The following TMEM120B variants were observed in gnomAD, a reference collection of about 807,000 sequenced individuals.
TMEM120B encodes transmembrane protein 120B.
Under a neutral mutation model 55.5 loss-of-function variants are expected in TMEM120B, and 31 were observed. That is an observed-to-expected ratio of 0.56 (90% CI 0.42 to 0.75). The LOEUF (loss-of-function observed/expected upper bound fraction) is 0.75, where lower values mean the gene tolerates loss of function less well. Ranked by LOEUF, TMEM120B falls within the 30% of genes least tolerant of loss-of-function variation. The probability of loss-of-function intolerance (pLI) is 0.00; values close to 1 mark genes in which losing one functional copy is unlikely to be tolerated. For missense variants in TMEM120B, 399 were observed against 425.5 expected, an observed-to-expected ratio of 0.94 and a Z score of 0.55; for synonymous variants, 203 against 176.3, an observed-to-expected ratio of 1.15 and a Z score of -1.20.
intron 1 of TMEM120B, among the ~76,000 whole-genome samples, chr12:121,738,456 G>T (rs1592931659): frequency 6.6e-6 from 1 of 152,106 alleles, no homozygotes. Flanking sequence ...AGGGGTGCGG[G>T]CCCCTTATCT....
intron 5 of TMEM120B, chr12:121,758,394 C>G (rs1322822677): frequency 1.0e-6 from 1 of 984,914 alleles, no homozygotes; most frequent in Non-Finnish European, 1.2e-6. Context: ...CCCAGCCCCG[C>G]GCTGTGGTCA....
In TMEM120B at chr12:121,743,704, A is replaced by T; in HGVS notation, c.145A>T (p.Lys49Ter). Residue 49 changes from lysine (K) to a stop codon, truncating the protein, a stop_gained, in exon 2 of 12, where the codon AAG becomes TAG. Coordinates refer to ENST00000449592, the MANE Select transcript of TMEM120B (RefSeq NM_001080825.2). LOFTEE classifies it high-confidence loss of function. Reference sequence around the variant, plus strand: ...GACGCTGTGTAGCAGTTCCATCAGTAAGCAGAAGAAGCACCTCAAGGACTT... The same window carrying T: ...GACGCTGTGTAGCAGTTCCATCAGTTAGCAGAAGAAGCACCTCAAGGACTT... ...LQTLCSSSIS[K>*]QKKHLKDLKL... 1 of 1,613,570 alleles carries T rather than the reference A, an allele frequency of 6.2e-7. No individual in the cohort carries two copies. The highest frequency in any genetic ancestry group is 1.1e-5 in the South Asian group (1 of 91,054).
intron 1 of TMEM120B, among the ~76,000 whole-genome samples, chr12:121,735,374 A>G (rs1043015485): frequency 6.6e-6 from 1 of 151,860 alleles, no homozygotes; most frequent in African/African-American, 2.4e-5. Flanking sequence ...AGTTGCAAGC[A>G]TAATTACAAA....
Position 121,713,031 on chromosome 12 carries a change from C to G in TMEM120B, c.69+67C>G, listed in dbSNP as rs1000622514. 6.0e-5 allele frequency: 82 copies of G among 1,366,232 alleles called. No homozygotes were observed. The East Asian group carries it at 1.5e-3, about 24-fold the overall frequency. The allele number at this position is 1,366,232 out of a possible 1,614,324, so 84.6% of individuals were successfully genotyped here. A position where few individuals can be genotyped will look rare whatever the true frequency, so the allele number is the denominator to read the frequency against. On this transcript the variant is annotated intron_variant, in intron 1 of 11. Transcript: ENST00000449592. ...GTGCAGCGCCTTGCCCTTCCTGAGC[C>G]CCCCGGCCCGGGCGGTGGGGACAGT...
rs1471554287 is a variant in TMEM120B, at chr12:121,776,198, C to T, written c.*476C>T. 6.7e-6 allele frequency: 2 copies of T among 296,656 alleles called. No homozygotes were observed. Among genetic ancestry groups the T allele is most frequent in the African/African-American group, 2.2e-5 (1 of 46,210 alleles). The allele number at this position is 296,656 out of a possible 1,614,324, so 18.4% of individuals were successfully genotyped here. On this transcript the variant is annotated 3_prime_UTR_variant, in exon 12 of 12. Transcript: ENST00000449592. ...GGGCCACTCTGCTTCTGCTGTGAGC[C>T]CCCTCCTCGCCCACCCCGCCACGTG...
chr12:121,713,078 G>C, intron 1 of TMEM120B, 114 bp downstream of exon 1: 1 of 839,604 alleles, frequency 1.2e-6, no homozygotes, highest in Non-Finnish European at 1.8e-6. Flanking sequence ...GAGTGCCCCG[G>C]AGAGGCCCTG....
intron 1 of TMEM120B, among the ~76,000 whole-genome samples, chr12:121,715,069 G>A (rs1176717875): frequency 3.3e-5 from 5 of 152,130 alleles, no homozygotes; most frequent in African/African-American, 4.8e-5. Context: ...CCAGCGCGGC[G>A]GCTCATGCCT....
chr12:121,774,213 C>T (rs865860278), intron 9 of TMEM120B, among the ~76,000 whole-genome samples: 1 of 152,186 alleles, frequency 6.6e-6, no homozygotes, highest in South Asian at 2.1e-4. Context: ...ACCTTGGCCT[C>T]CCAACGTGCT....
Position 121,775,085 on chromosome 12 carries a change from C to G in TMEM120B, c.861C>G (p.Val287=). ...AGTTCTGGCAGCTCTACAATGCCGT[C>G]ACGCTGTTTGAGCTCTCCAGCCACG... ...CGHFWQLYNA[V]TLFELSSHEE... The change falls in exon 11 of 12, where the codon GTC becomes GTG. Residue 287 remains valine, a synonymous_variant. Coordinates refer to ENST00000449592, the MANE Select transcript of TMEM120B (RefSeq NM_001080825.2). This position sits in a 1 kb window ranked among gnomAD's most constrained non-coding sequence, Gnocchi z 4.3. 2 of 1,611,494 alleles carry G rather than the reference C, an allele frequency of 1.2e-6. No homozygotes were observed. Among genetic ancestry groups the G allele is most frequent in the East Asian group, 2.2e-5 (1 of 44,750 alleles).
chr12:121,774,811 C>G lies in TMEM120B; in HGVS notation c.837+89C>G, dbSNP rs1217323308. On this transcript the variant is annotated intron_variant, in intron 10 of 11. Transcript: ENST00000449592. ...TCAGGCCTTGCCCTCCTTCTCCATC[C>G]GTCCCCATGCTGGGGCCCACAGCAT... 3.4e-6 allele frequency: 5 copies of G among 1,462,916 alleles called. No individual in the cohort carries two copies. In the South Asian group the frequency reaches 6.2e-5, roughly 18 times the overall value. 90.6% of individuals were successfully genotyped at this position (1,462,916 alleles called of 1,614,324 possible).
At chr12:121,716,336 G>T (rs949375701) in intron 1 of TMEM120B, among the ~76,000 whole-genome samples, 4 of 151,486 alleles carry the variant, frequency 2.6e-5, no homozygotes, top group African/African-American at 7.3e-5. Context: ...AGATTTGTTG[G>T]GGAACAAGCA....
intron 1 of TMEM120B, among the ~76,000 whole-genome samples, chr12:121,743,032 T>C (rs1187676329): frequency 6.6e-6 from 1 of 152,152 alleles, no homozygotes; most frequent in Non-Finnish European, 1.5e-5. Flanking sequence ...GAAGTTACTG[T>C]TTTCTGTTCC....
In TMEM120B at chr12:121,775,498, C is replaced by G; in HGVS notation, c.907-111C>G. The G allele has an allele frequency of 6.8e-6, 10 of 1,479,278 alleles. No homozygotes were observed. The highest frequency in any genetic ancestry group is 8.9e-6 in the Non-Finnish European group (10 of 1,119,060). 91.6% of individuals were successfully genotyped at this position (1,479,278 alleles called of 1,614,324 possible). Reference sequence around the variant, plus strand: ...GAATCTCTGCCTTCGATGGCAAAACCCTGCAGTTTGGGAGTTTGGGGGCAG... The same window carrying G: ...GAATCTCTGCCTTCGATGGCAAAACGCTGCAGTTTGGGAGTTTGGGGGCAG... On this transcript the variant is annotated intron_variant, in intron 11 of 11. Transcript: ENST00000449592. This position sits in a 1 kb window ranked among gnomAD's most constrained non-coding sequence, Gnocchi z 4.3.
At chr12:121,732,534 C>G (rs1266482673) in intron 1 of TMEM120B, among the ~76,000 whole-genome samples, 3 of 152,098 alleles carry the variant, frequency 2.0e-5, no homozygotes, top group Non-Finnish European at 4.4e-5. Context: ...TATCCAGTCA[C>G]CATCACCAGT....
intron 1 of TMEM120B, among the ~76,000 whole-genome samples, chr12:121,732,286 A>G (rs1895016520): frequency 6.6e-6 from 1 of 152,172 alleles, no homozygotes; most frequent in Non-Finnish European, 1.5e-5. Context: ...GTGTCACACT[A>G]AGGTCCTTGT....
chr12:121,742,041 C>T (rs1225641599), intron 1 of TMEM120B, among the ~76,000 whole-genome samples: 2 of 147,750 alleles, frequency 1.4e-5, no homozygotes, highest in African/African-American at 2.5e-5. Flanking sequence ...CTTGCTCTGT[C>T]ACCTAGGCTG....
chr12:121,730,135 T>G (rs1425201007), intron 1 of TMEM120B, among the ~76,000 whole-genome samples: 1 of 149,140 alleles, frequency 6.7e-6, no homozygotes, highest in Admixed American at 6.8e-5. Context: ...AGCAGGCGCC[T>G]GTAATCCCAG....
At chr12:121,759,120 C>T (rs1336527181) in intron 5 of TMEM120B, 1 of 522,944 alleles carries the variant, frequency 1.9e-6, no homozygotes, top group Non-Finnish European at 2.2e-6. Flanking sequence ...AGAGTGTCTA[C>T]TGTTTTTTTT....
chr12:121,749,511 A>G (rs953737411), intron 3 of TMEM120B, among the ~76,000 whole-genome samples: 9 of 152,030 alleles, frequency 5.9e-5, no homozygotes, highest in African/African-American at 1.9e-4. Context: ...GTGAGACCAC[A>G]TCTCTACAAA....
Sources: gnomAD v4.1 joint callset for allele counts (sites outside exome capture counted in the v4.1 genomes callset) on GRCh38, gnomAD v4.1.1 for gene constraint, Gnocchi (gnomAD v3.1) non-coding constraint, MANE v1.5 for transcripts, NCBI Gene and HGNC (gene_info 2026-07-23, HGNC 2026-07-21) for gene names.